Variants in STK10 observed in about 807,000 individuals in gnomAD.
STK10 encodes serine/threonine-protein kinase 10.
In STK10, 78 loss-of-function variants were observed where a neutral mutation model predicts 113.8. That is an observed-to-expected ratio of 0.69 (90% CI 0.57 to 0.83). The LOEUF (loss-of-function observed/expected upper bound fraction) is 0.83, where lower values mean the gene tolerates loss of function less well. STK10 is among the 40% of genes least tolerant of loss of function. STK10 has a pLI of 0.00. For synonymous variants in STK10, 465 were observed against 494.7 expected, an observed-to-expected ratio of 0.94 and a Z score of 0.80; for missense variants, 1,109 against 1,280.1, an observed-to-expected ratio of 0.87 and a Z score of 2.04.
intron 1 of STK10, among the ~76,000 whole-genome samples, chr5:172,174,415 AC>A (rs1208176485): frequency 6.6e-6 from 1 of 151,124 alleles, no homozygotes; most frequent in Non-Finnish European, 1.5e-5. Flanking sequence ...CAGATGATCC[AC>A]CCGCCTCGGC....
Position 172,082,180 on chromosome 5 carries a change from G to T in STK10, c.1989+146C>A. On this transcript the variant is annotated intron_variant, in intron 12 of 18. Coordinates refer to ENST00000176763, the MANE Select transcript of STK10 (RefSeq NM_005990.4). The surrounding 1 kb of genome is among the most constrained non-coding windows in gnomAD (Gnocchi z 4.3). ...GAAGTGGCTCCTCATGGCGCAGCTT[G>T]GGCACACAGATCCAGGCTCACCTGC... The T allele has an allele frequency of 3.7e-6, 3 of 817,248 alleles. No individual in the cohort carries two copies. The highest frequency in any genetic ancestry group is 5.2e-6 in the Non-Finnish European group (3 of 575,738). 50.6% of individuals were successfully genotyped at this position (817,248 alleles called of 1,614,324 possible).
chr5:172,100,732 A>G (rs950063683), intron 7 of STK10, among the ~76,000 whole-genome samples: 2 of 152,184 alleles, frequency 1.3e-5, no homozygotes, highest in Admixed American at 6.6e-5. Context: ...GATTGCAGTG[A>G]ACCGAGATCA....
chr5:172,056,305 C>T (rs1272527238), intron 15 of STK10, among the ~76,000 whole-genome samples: 1 of 152,190 alleles, frequency 6.6e-6, no homozygotes, highest in Non-Finnish European at 1.5e-5. Flanking sequence ...GAATTATACA[C>T]AGCTGCTGTG....
intron 4 of STK10, among the ~76,000 whole-genome samples, chr5:172,112,373 G>A (rs1336066978): frequency 1.3e-5 from 2 of 151,698 alleles, no homozygotes; most frequent in East Asian, 1.9e-4. Flanking sequence ...TCATCTCCCT[G>A]GAAGTGGGAT....
intron 1 of STK10, among the ~76,000 whole-genome samples, chr5:172,168,368 A>C (rs1770606616): frequency 6.6e-6 from 1 of 152,218 alleles, no homozygotes; most frequent in Non-Finnish European, 1.5e-5. Context: ...TATGTGCAGG[A>C]AAAGGGCCCA....
chr5:172,071,110 T>C (rs1346303188), intron 12 of STK10, among the ~76,000 whole-genome samples: 2 of 146,904 alleles, frequency 1.4e-5, no homozygotes, highest in East Asian at 2.0e-4. Context: ...CTCAGGAGGC[T>C]GAGCAGGAGA....
intron 18 of STK10, among the ~76,000 whole-genome samples, chr5:172,045,849 C>T (rs1767484654): frequency 6.6e-6 from 1 of 151,914 alleles, no homozygotes; most frequent in Non-Finnish European, 1.5e-5. Flanking sequence ...GCCACCATGA[C>T]TGGCTAATTT....
rs1395890999 is a variant in STK10 at position 172,082,445 on chromosome 5, C to T, written c.1870G>A (p.Val624Met). The change falls in exon 12 of 19, where the codon GTG becomes ATG. Residue 624 changes from valine to methionine, a missense_variant. Around this residue, in one of 5 missense-constraint regions of STK10, gnomAD observed 885 missense variants for 991.1 expected, o/e 0.89. Transcript: ENST00000176763. This position sits in a 1 kb window ranked among gnomAD's most constrained non-coding sequence, Gnocchi z 4.3. ...GCATGGTCTTGCTCCATCTTCTCCA[C>T]TTGCTGCTTTTGCTGACGCTCCAGG... ...ENLERQQKQQ[V>M]EKMEQDHAVR... is the part of the protein sequence containing the mutation. 1 of 1,611,372 alleles carries T rather than the reference C, an allele frequency of 6.2e-7. No individual in the cohort carries two copies. The highest frequency in any genetic ancestry group is 1.7e-5 in the Admixed American group (1 of 59,434).
At chr5:172,125,640 C>A (rs1705341714) in intron 3 of STK10, among the ~76,000 whole-genome samples, 1 of 152,216 alleles carries the variant, frequency 6.6e-6, no homozygotes, top group Non-Finnish European at 1.5e-5. Flanking sequence ...CCACCTCGGC[C>A]TCCCAAAGTG....
intron 1 of STK10, among the ~76,000 whole-genome samples, chr5:172,184,451 G>A (rs936999199): frequency 2.6e-5 from 4 of 151,990 alleles, no homozygotes; most frequent in African/African-American, 9.7e-5. Context: ...TCTGGGCACC[G>A]GGACATATGG....
At chr5:172,129,514 T>A (rs1454873087) in intron 2 of STK10, among the ~76,000 whole-genome samples, 1 of 152,176 alleles carries the variant, frequency 6.6e-6, no homozygotes, top group Admixed American at 6.5e-5. Flanking sequence ...TGCATGCTGA[T>A]CCCGAACGCC....
At chr5:172,134,076 G>A (rs909882569) in intron 2 of STK10, among the ~76,000 whole-genome samples, 18 of 152,210 alleles carry the variant, frequency 1.2e-4, no homozygotes, top group Admixed American at 1.1e-3. Flanking sequence ...GTCACACTTT[G>A]AGAACTACTG....
intron 2 of STK10, among the ~76,000 whole-genome samples, chr5:172,128,315 G>A (rs1253558709): frequency 6.7e-6 from 1 of 148,556 alleles, no homozygotes; most frequent in Non-Finnish European, 1.5e-5. Flanking sequence ...TCTTTGCATA[G>A]ATGCTTTTTC....
At chr5:172,158,944 T>C (rs911488035) in intron 1 of STK10, among the ~76,000 whole-genome samples, 1 of 152,006 alleles carries the variant, frequency 6.6e-6, no homozygotes, top group African/African-American at 2.4e-5. Context: ...ATGATGAAAA[T>C]TTTGAGGTGT....
Position 172,083,128 on chromosome 5 carries a change from C to A in STK10, c.1686-44G>T, listed in dbSNP as rs770181359. 10 of 1,609,800 alleles carry A rather than the reference C, an allele frequency of 6.2e-6. No individual in the cohort carries two copies. The Admixed American group carries it at 1.7e-4, about 27-fold the overall frequency. ...CAGATATTTCACAGTAAGAAACTGG[C>A]TTCAGAGATCACAATATTTGCAACT... On this transcript the variant is annotated intron_variant, in intron 10 of 18. Coordinates refer to ENST00000176763, the MANE Select transcript of STK10 (RefSeq NM_005990.4).
At chr5:172,045,679 A>T (rs1023967219) in intron 18 of STK10, among the ~76,000 whole-genome samples, 1 of 151,982 alleles carries the variant, frequency 6.6e-6, no homozygotes, top group Non-Finnish European at 1.5e-5. Context: ...GGTAAATTGG[A>T]TCCTACCAGA....
rs930242996 is a variant in STK10 at position 172,133,163 on chromosome 5, C to T, written c.322-5742G>A. ...TCAATTAGAACTAGAACTTGAACAT[C>T]TCAAAGTATGAACCTAATCTGGAGA... On this transcript the variant is annotated intron_variant, in intron 2 of 18. Coordinates refer to ENST00000176763, the MANE Select transcript of STK10 (RefSeq NM_005990.4). The surrounding 1 kb of genome is among the most constrained non-coding windows in gnomAD (Gnocchi z 4.9). 1.3e-5 allele frequency among the ~76,000 whole-genome samples: 2 copies of T among 152,174 alleles called. No homozygotes were observed. Among genetic ancestry groups the T allele is most frequent in the African/African-American group, 4.8e-5 (2 of 41,416 alleles).
intron 4 of STK10, among the ~76,000 whole-genome samples, chr5:172,110,007 G>A (rs143121561): frequency 2.0e-5 from 3 of 152,364 alleles, no homozygotes; most frequent in South Asian, 4.1e-4. Context: ...GGCTGGGCCT[G>A]AATACGGGAG....
chr5:172,151,286 C>T (rs999374634), intron 2 of STK10, among the ~76,000 whole-genome samples: 2 of 151,978 alleles, frequency 1.3e-5, no homozygotes, highest in Non-Finnish European at 1.5e-5. Flanking sequence ...AGGCAGGAGA[C>T]GGATTGCGAA....
Sources: gnomAD v4.1 joint callset for allele counts (sites outside exome capture counted in the v4.1 genomes callset) on GRCh38, gnomAD v4.1.1 for gene constraint, gnomAD v4.1.1 regional missense constraint, Gnocchi (gnomAD v3.1) non-coding constraint, MANE v1.5 for transcripts, NCBI Gene and HGNC (gene_info 2026-07-23, HGNC 2026-07-21) for gene names.